Variants in GRM5 observed in about 807,000 individuals in gnomAD.
The protein encoded by GRM5 is glutamate metabotropic receptor 5, also known as metabotropic glutamate receptor 5.
Under a neutral mutation model 83.1 loss-of-function variants are expected in GRM5, and 19 were observed. That is an observed-to-expected ratio of 0.23 (90% CI 0.16 to 0.34). GRM5 has a LOEUF of 0.34. Among genes scored for constraint, GRM5 ranks in the 10% least tolerant of loss-of-function variants. GRM5 has a pLI of 1.00. For synonymous variants in GRM5, 675 were observed against 633.6 expected, an observed-to-expected ratio of 1.07 and a Z score of -0.98; for missense variants, 1,160 against 1,588.3, an observed-to-expected ratio of 0.73 and a Z score of 4.58.
intron 2 of GRM5, among the ~76,000 whole-genome samples, chr11:88,935,331 CA>C (rs1352711645): frequency 1.4e-5 from 2 of 143,452 alleles, no homozygotes; most frequent in Admixed American, 7.1e-5. Context: ...TAGATGAAGA[CA>C]AAAAAATAGT....
At chr11:88,917,992 A>G (rs1734726457) in intron 2 of GRM5, among the ~76,000 whole-genome samples, 1 of 152,138 alleles carries the variant, frequency 6.6e-6, no homozygotes. Flanking sequence ...ATAGAACACA[A>G]GCAGACTTAA....
chr11:88,967,633 T>C (rs558252998), intron 2 of GRM5, among the ~76,000 whole-genome samples: 2 of 152,094 alleles, frequency 1.3e-5, no homozygotes, highest in African/African-American at 2.4e-5. Context: ...TCTAATAATC[T>C]TTTAAAGGTC....
chr11:88,709,622 C>T (rs1941238216), intron 3 of GRM5, among the ~76,000 whole-genome samples: 1 of 152,104 alleles, frequency 6.6e-6, no homozygotes, highest in Non-Finnish European at 1.5e-5. Flanking sequence ...GAGCAGGAGC[C>T]AGCATGCTCT....
chr11:88,628,631 T>G (rs1471685468), intron 4 of GRM5, among the ~76,000 whole-genome samples: 1 of 152,178 alleles, frequency 6.6e-6, no homozygotes, highest in East Asian at 1.9e-4. Flanking sequence ...TGTAGTCACT[T>G]TGGTGTAGAT....
chr11:88,924,134 CA>C (rs59939060), intron 2 of GRM5, among the ~76,000 whole-genome samples: 84,440 of 146,758 alleles, frequency 0.58, 24,784 homozygotes, highest in South Asian at 0.74. Flanking sequence ...TAGCTATAAT[CA>C]AAAAAAAAAA....
chr11:88,978,511 A>C lies in GRM5; in HGVS notation c.661+68701T>G, dbSNP rs1246937157. On this transcript the variant is annotated intron_variant, in intron 2 of 9. Transcript: ENST00000305447. Reference sequence around the variant, plus strand: ...AAAAAAAAAAAAAAAAAAAAAAAAAAAAAAACCTCATAATGTCTTAAGAAA... The same window carrying C: ...AAAAAAAAAAAAAAAAAAAAAAAAACAAAAACCTCATAATGTCTTAAGAAA... Among the ~76,000 whole-genome samples the C allele has an allele frequency of 3.6e-5, 5 of 139,668 alleles. No homozygotes were observed. The South Asian group carries it at 6.7e-4, about 19-fold the overall frequency. The allele number at this position is 139,668 out of a possible 152,430, so 91.6% of individuals were successfully genotyped here.
chr11:88,809,807 T>A (rs1312574680), intron 3 of GRM5, among the ~76,000 whole-genome samples: 1 of 151,864 alleles, frequency 6.6e-6, no homozygotes, highest in Admixed American at 6.6e-5. Context: ...AGGAATATGG[T>A]TGCCAGATTT....
At chr11:88,794,166 C>T (rs1176988559) in intron 3 of GRM5, among the ~76,000 whole-genome samples, 2 of 152,118 alleles carry the variant, frequency 1.3e-5, no homozygotes, top group Non-Finnish European at 2.9e-5. Context: ...CATGCATGTT[C>T]TTAAGCATTC....
intron 2 of GRM5, among the ~76,000 whole-genome samples, chr11:89,043,272 A>T (rs1413409565): frequency 6.6e-6 from 1 of 152,248 alleles, no homozygotes; most frequent in Non-Finnish European, 1.5e-5. Context: ...AACTAAAGTC[A>T]GGAAAACTAG....
chr11:89,021,528 T>G (rs562879151), intron 2 of GRM5, among the ~76,000 whole-genome samples: 2 of 152,294 alleles, frequency 1.3e-5, no homozygotes, highest in African/African-American at 4.8e-5. Context: ...AGAAAATGAT[T>G]AACTGCACAG....
chr11:88,753,874 G>C (rs777585958), intron 3 of GRM5, among the ~76,000 whole-genome samples: 3 of 152,062 alleles, frequency 2.0e-5, no homozygotes, highest in Non-Finnish European at 4.4e-5. Context: ...CATTGCAGCA[G>C]ACAAGAAAAA....
At chr11:88,719,078 CTTTAG>C (rs1941470348) in intron 3 of GRM5, among the ~76,000 whole-genome samples, 1 of 150,110 alleles carries the variant, frequency 6.7e-6, no homozygotes, top group Admixed American at 6.7e-5. Context: ...TTTTTTTTAA[CTTTAG>C]TTTAAGTTCA....
chr11:89,031,091 A>G (rs755323344), intron 2 of GRM5, among the ~76,000 whole-genome samples: 3 of 152,038 alleles, frequency 2.0e-5, no homozygotes. Flanking sequence ...TGGACACATT[A>G]TATATTTAAA....
intron 3 of GRM5, among the ~76,000 whole-genome samples, chr11:88,768,365 T>G (rs1942663924): frequency 6.6e-6 from 1 of 152,038 alleles, no homozygotes; most frequent in East Asian, 1.9e-4. Flanking sequence ...GATGTATAAT[T>G]CCATTTATAT....
chr11:89,018,016 A>C (rs12365935), intron 2 of GRM5, among the ~76,000 whole-genome samples: 9,821 of 152,098 alleles, frequency 0.065, 594 homozygotes, highest in African/African-American at 0.16. Flanking sequence ...AAAATTACTT[A>C]AACTATCTGC....
chr11:88,509,145 G>A lies in GRM5; in HGVS notation c.3086C>T (p.Ala1029Val), dbSNP rs773589118. Residue 1029 changes from alanine (A) to valine (V), a missense_variant, in exon 10 of 10, where the codon GCG becomes GTG. By Grantham distance (64) the Ala-to-Val change is moderately conservative. Transcript: ENST00000305447. ...PSPISTLSHRAGSASRTDDDV... is the reference protein window; with the variant it reads ...PSPISTLSHRVGSASRTDDDV... ...GTCGTCCGTGCGGCTGGCCGAGCCC[G>A]CGCGGTGGCTCAGCGTGCTGATGGG... 1 of 1,540,066 alleles carries A rather than the reference G, an allele frequency of 6.5e-7. No homozygotes were observed. The highest frequency in any genetic ancestry group is 1.2e-5 in the South Asian group (1 of 83,608).
chr11:88,642,414 G>A (rs1012445977), intron 4 of GRM5, among the ~76,000 whole-genome samples: 6 of 152,106 alleles, frequency 3.9e-5, no homozygotes, highest in South Asian at 2.1e-4. Context: ...CATTATCTTG[G>A]ATAGCACTTG....
At chr11:88,673,904 AC>A (rs1208886498) in intron 3 of GRM5, among the ~76,000 whole-genome samples, 9 of 143,802 alleles carry the variant, frequency 6.3e-5, no homozygotes, top group Middle Eastern at 3.5e-3. Context: ...AAAAAAAAAA[AC>A]AAACATACTC....
chr11:88,918,290 A>G (rs556519190), intron 2 of GRM5, among the ~76,000 whole-genome samples: 12 of 152,172 alleles, frequency 7.9e-5, no homozygotes, highest in African/African-American at 2.6e-4. Flanking sequence ...CATGAAGGAG[A>G]AATAAAAAAA....
Sources: allele counts gnomAD v4.1 joint callset (sites outside exome capture counted in the v4.1 genomes callset), GRCh38; gene constraint gnomAD v4.1.1; transcripts MANE v1.5; gene names NCBI Gene and HGNC (gene_info 2026-07-23, HGNC 2026-07-21).